TMEM87A: variants seen among roughly 807,000 people sequenced by gnomAD.
The protein encoded by TMEM87A is transmembrane protein 87A.
A neutral mutation model predicts 90.0 loss-of-function variants in TMEM87A; 50 were observed. The ratio of observed to expected loss-of-function variants is 0.56; its 90% confidence interval spans 0.44 to 0.70. The LOEUF is 0.70. Among genes scored for constraint, TMEM87A ranks in the 30% least tolerant of loss-of-function variants. TMEM87A has a pLI of 0.00. For missense variants in TMEM87A, 577 were observed against 660.5 expected (o/e 0.87, Z 1.39); for synonymous variants, 226 against 226.7 (o/e 1.00, Z 0.03).
intron 5 of TMEM87A, 30 bp downstream of exon 5, chr15:42,261,166 C>G (rs369753176): frequency 6.2e-7 from 1 of 1,607,898 alleles, no homozygotes; most frequent in Non-Finnish European, 8.5e-7. Context: ...TTTTACTGCA[C>G]TCTCAGAAAT....
chr15:42,211,013 T>TTAAGCTAA lies in TMEM87A; in HGVS notation c.*687_*694dup, dbSNP rs1419015484. 1.3e-5 allele frequency: 2 copies of TTAAGCTAA among 152,550 alleles called. No homozygotes were observed. Among genetic ancestry groups the TTAAGCTAA allele is most frequent in the African/African-American group, 4.8e-5 (2 of 41,410 alleles). 9.4% of individuals were successfully genotyped at this position (152,550 alleles called of 1,614,324 possible). On this transcript the variant is annotated 3_prime_UTR_variant, in exon 20 of 20. Coordinates refer to ENST00000389834, the MANE Select transcript of TMEM87A (RefSeq NM_015497.5). Reference sequence around the variant, plus strand: ...GTCACAATAGCAGATGTCAAAAGAGTTAAGCTAATATTTCTCTTTAAAGTA... The same window carrying TTAAGCTAA: ...GTCACAATAGCAGATGTCAAAAGAGTTAAGCTAATAAGCTAATATTTCTCTTTAAAGTA...
chr15:42,220,950 C>T (rs993650446), intron 15 of TMEM87A, among the ~76,000 whole-genome samples: 1 of 151,934 alleles, frequency 6.6e-6, no homozygotes, highest in African/African-American at 2.4e-5. Flanking sequence ...CGCCACGATG[C>T]CTGGCCAATT....
At chr15:42,231,300 T>G (rs759794842) in intron 11 of TMEM87A, 40 bp from the exon 12 acceptor site, 2 of 1,510,698 alleles carry the variant, frequency 1.3e-6, no homozygotes, top group South Asian at 1.3e-5. Context: ...AACAGATGTC[T>G]AGAGAGGCAC....
chr15:42,258,946 C>A, intron 6 of TMEM87A: 1 of 1,088,728 alleles, frequency 9.2e-7, no homozygotes, highest in Non-Finnish European at 1.4e-6. Flanking sequence ...TTATTAAAGT[C>A]TTTCAACAAT....
intron 19 of TMEM87A, among the ~76,000 whole-genome samples, chr15:42,212,122 C>T (rs890931690): frequency 6.6e-6 from 1 of 152,112 alleles, no homozygotes; most frequent in African/African-American, 2.4e-5. Flanking sequence ...AAGACGTGCA[C>T]CTAGTTAGCA....
intron 6 of TMEM87A, among the ~76,000 whole-genome samples, chr15:42,254,970 T>TA (rs2051150361): frequency 5.3e-5 from 8 of 151,260 alleles, no homozygotes; most frequent in Admixed American, 5.3e-4. Context: ...TCTCCTTTTT[T>TA]TTTTTTTTTT....
At position 42,225,148 on chromosome 15, in the gene TMEM87A, G is replaced by GCCATTTTCATGGAGTAAAAGGATTTCAC. The variant is rs2050566624; in HGVS notation, c.1403+1630_1403+1657dup. 6.6e-5 allele frequency among the ~76,000 whole-genome samples: 10 copies of GCCATTTTCATGGAGTAAAAGGATTTCAC among 152,254 alleles called. No homozygotes were observed. The South Asian group carries it at 8.3e-4, about 13-fold the overall frequency. On this transcript the variant is annotated intron_variant, in intron 15 of 19. Coordinates refer to ENST00000389834, the MANE Select transcript of TMEM87A (RefSeq NM_015497.5). ...GTGCATAGTTTGAAATGACAGCAAGGCCATTTTCATGGAGTAAAAGGATTT... is the reference window on the plus strand; with the variant it reads ...GTGCATAGTTTGAAATGACAGCAAGGCCATTTTCATGGAGTAAAAGGATTTCACCCATTTTCATGGAGTAAAAGGATTT...
intron 6 of TMEM87A, chr15:42,257,833 A>G (rs1335020980): frequency 4.8e-6 from 4 of 830,622 alleles, no homozygotes; most frequent in Non-Finnish European, 5.8e-6. Context: ...CAATGTACCA[A>G]TTTGGTAATA....
intron 13 of TMEM87A, 83 bp from the exon 14 acceptor site, chr15:42,227,852 A>T: frequency 1.6e-6 from 2 of 1,227,564 alleles, no homozygotes; most frequent in Non-Finnish European, 2.4e-6. Flanking sequence ...GGTTAAGTGG[A>T]ATCCCACACA....
At chr15:42,257,762 G>A (rs1343566279) in intron 6 of TMEM87A, among the ~76,000 whole-genome samples, 1 of 152,076 alleles carries the variant, frequency 6.6e-6, no homozygotes, top group Non-Finnish European at 1.5e-5. Flanking sequence ...CATCAATTGG[G>A]AGTTATTAAA....
At chr15:42,236,440 A>T (rs1357916111) in intron 9 of TMEM87A, 21 bp from the exon 10 acceptor site, 2 of 1,608,376 alleles carry the variant, frequency 1.2e-6, no homozygotes, top group African/African-American at 2.7e-5. Context: ...GAAGGGAAGA[A>T]ATGGCACCAT....
At position 42,220,155 on chromosome 15, in the gene TMEM87A, C is replaced by G. The variant is rs755090655; in HGVS notation, c.1404-20G>C. On this transcript the variant is annotated intron_variant, in intron 15 of 19. Transcript: ENST00000389834. ...GCAAACCTAACAGAACCAAAGTGAA[C>G]AGAAGGAAAAAATTAGAAAACTTCA... is the stretch of plus-strand genomic sequence containing the variant. 1.3e-6 allele frequency: 2 copies of G among 1,573,136 alleles called. No individual in the cohort carries two copies. The highest frequency in any genetic ancestry group is 1.7e-6 in the Non-Finnish European group (2 of 1,167,384).
intron 6 of TMEM87A, among the ~76,000 whole-genome samples, chr15:42,248,742 CTCT>C (rs1342809614): frequency 1.3e-5 from 2 of 152,038 alleles, no homozygotes; most frequent in African/African-American, 4.8e-5. Flanking sequence ...GTCTAAAATT[CTCT>C]TTTTTTTGTT....
intron 13 of TMEM87A, among the ~76,000 whole-genome samples, chr15:42,228,046 G>T (rs923327390): frequency 1.3e-5 from 2 of 152,158 alleles, no homozygotes; most frequent in Admixed American, 1.3e-4. Context: ...AACCAGTGTG[G>T]TTGGAAAATA....
chr15:42,211,835 A>T lies in TMEM87A; in HGVS notation c.1627-86T>A, dbSNP rs2050293498. On this transcript the variant is annotated intron_variant, in intron 19 of 19. Coordinates refer to ENST00000389834, the MANE Select transcript of TMEM87A (RefSeq NM_015497.5). ...TTCTATACAGACTATCCAAGCAAACATCTTCCACGAGTACTTTATGTTAAT... is the reference window on the plus strand; with the variant it reads ...TTCTATACAGACTATCCAAGCAAACTTCTTCCACGAGTACTTTATGTTAAT... 5.1e-6 allele frequency: 6 copies of T among 1,172,030 alleles called. No individual in the cohort carries two copies. The South Asian group carries it at 8.1e-5, about 16-fold the overall frequency. 72.6% of individuals were successfully genotyped at this position (1,172,030 alleles called of 1,614,324 possible).
chr15:42,273,212 CCTTGCT>C, intron 1 of TMEM87A, 37 bp downstream of exon 1: 1 of 1,610,146 alleles, frequency 6.2e-7, no homozygotes, highest in Non-Finnish European at 8.5e-7. Flanking sequence ...TAGCCCCACC[CCTTGCT>C]CCTCTAGGTT....
At chr15:42,235,358 C>A (rs2050752495) in intron 10 of TMEM87A, among the ~76,000 whole-genome samples, 1 of 152,122 alleles carries the variant, frequency 6.6e-6, no homozygotes, top group African/African-American at 2.4e-5. Context: ...TAAATAATAT[C>A]TTTATCTTCA....
chr15:42,212,574 C>T (rs899171009), intron 19 of TMEM87A, among the ~76,000 whole-genome samples: 1 of 152,140 alleles, frequency 6.6e-6, no homozygotes, highest in African/African-American at 2.4e-5. Context: ...CCTTTATTTC[C>T]TAGATCCCAA....
intron 10 of TMEM87A, among the ~76,000 whole-genome samples, chr15:42,234,728 G>A (rs549641049): frequency 6.6e-6 from 1 of 152,074 alleles, no homozygotes; most frequent in Admixed American, 6.5e-5. Flanking sequence ...TATACTCTCT[G>A]GAACTCTCCC....
Sources: allele counts gnomAD v4.1 joint callset (sites outside exome capture counted in the v4.1 genomes callset), GRCh38; gene constraint gnomAD v4.1.1; transcripts MANE v1.5; gene names NCBI Gene and HGNC (gene_info 2026-07-23, HGNC 2026-07-21).